The following SGCD variants were observed in gnomAD, a reference collection of about 807,000 sequenced individuals.
SGCD encodes sarcoglycan delta, also known as delta-sarcoglycan.
A neutral mutation model predicts 36.6 loss-of-function variants in SGCD; 18 were observed. That is an observed-to-expected ratio of 0.49 (90% CI 0.34 to 0.73). The LOEUF (loss-of-function observed/expected upper bound fraction) is 0.73. Among genes scored for constraint, SGCD ranks in the 30% least tolerant of loss-of-function variants. The probability of loss-of-function intolerance (pLI) is 0.01; values close to 1 mark genes in which losing one functional copy is unlikely to be tolerated. For missense variants in SGCD, 387 were observed against 346.7 expected, an observed-to-expected ratio of 1.12 and a Z score of -0.92; for synonymous variants, 133 against 130.6, an observed-to-expected ratio of 1.02 and a Z score of -0.12.
At chr5:155,741,120 T>G in the SGCD span, among the ~76,000 whole-genome samples, 3 of 152,216 alleles carry the variant, frequency 2.0e-5, no homozygotes, top group African/African-American at 4.8e-5. Context: ...ATTTCCTGAT[T>G]GGCAATTGGT....
At chr5:156,453,475 A>G (rs1754115937) in intron 3 of SGCD, among the ~76,000 whole-genome samples, 1 of 152,196 alleles carries the variant, frequency 6.6e-6, no homozygotes, top group Non-Finnish European at 1.5e-5. Flanking sequence ...AGCTGCATTC[A>G]CAATAGCCCC....
At chr5:156,447,897 T>C (rs915965183) in intron 3 of SGCD, among the ~76,000 whole-genome samples, 1 of 152,172 alleles carries the variant, frequency 6.6e-6, no homozygotes, top group African/African-American at 2.4e-5. Flanking sequence ...TATTTTATTC[T>C]CATTATTACC....
chr5:155,741,288 A>G, the SGCD span, among the ~76,000 whole-genome samples: 1 of 152,188 alleles, frequency 6.6e-6, no homozygotes, highest in Admixed American at 6.5e-5. Flanking sequence ...ATCAGACCCT[A>G]AAAGGTGCCA....
rs563704553 is a variant in SGCD, at chr5:156,084,064, G to A, written c.-281-33814G>A. The stretch of plus-strand genomic sequence containing the variant: ...TCCTCCATTTTTCTTTGTAAAGATT[G>A]CTTCAAATAGTCAAGAACATATGTC... On this transcript the variant is annotated intron_variant, in intron 1 of 9. Transcript: ENST00000517913. Among the ~76,000 whole-genome samples, 5 of 152,204 alleles carry A rather than the reference G, an allele frequency of 3.3e-5. No homozygotes were observed. The East Asian group carries it at 9.7e-4, about 29-fold the overall frequency.
intron 3 of SGCD, among the ~76,000 whole-genome samples, chr5:156,408,699 G>T (rs1405123173): frequency 6.6e-6 from 1 of 152,086 alleles, no homozygotes; most frequent in Non-Finnish European, 1.5e-5. Context: ...CTTGTCTTCT[G>T]CCATCTTTCT....
the SGCD span, among the ~76,000 whole-genome samples, chr5:155,796,633 G>A: frequency 1.2e-4 from 18 of 151,624 alleles, no homozygotes; most frequent in East Asian, 2.7e-3. Context: ...GAGAAAGCCC[G>A]TCTCTATTAA....
At chr5:156,131,240 T>C (rs1385256372) in intron 3 of SGCD, among the ~76,000 whole-genome samples, 4 of 152,220 alleles carry the variant, frequency 2.6e-5, no homozygotes, top group Admixed American at 2.6e-4. Flanking sequence ...AGAGGCAATG[T>C]CATTTAATAA....
At chr5:156,427,514 C>T (rs371077275) in intron 3 of SGCD, among the ~76,000 whole-genome samples, 43 of 152,016 alleles carry the variant, frequency 2.8e-4, no homozygotes, top group African/African-American at 8.9e-4. Flanking sequence ...TTTTCCAATT[C>T]GGAGGCCCTT....
At chr5:155,939,554 A>G (rs1757281823) in intron 1 of SGCD, among the ~76,000 whole-genome samples, 1 of 151,260 alleles carries the variant, frequency 6.6e-6, no homozygotes, top group Non-Finnish European at 1.5e-5. Flanking sequence ...CTGAGACAGG[A>G]GAATTGCTTG....
intron 4 of SGCD, among the ~76,000 whole-genome samples, chr5:156,532,291 G>A (rs979413586): frequency 7.2e-5 from 11 of 152,056 alleles, no homozygotes; most frequent in African/African-American, 1.7e-4. Flanking sequence ...AATATCTGCT[G>A]TTGCAGAGAT....
chr5:155,779,403 A>T, the SGCD span, among the ~76,000 whole-genome samples: 2 of 151,988 alleles, frequency 1.3e-5, no homozygotes, highest in Admixed American at 1.3e-4. Context: ...CTGCCATTGC[A>T]CTCTAGTCTG....
At chr5:156,656,839 A>C (rs766374381) in intron 7 of SGCD, among the ~76,000 whole-genome samples, 1 of 152,182 alleles carries the variant, frequency 6.6e-6, no homozygotes, top group Non-Finnish European at 1.5e-5. Context: ...GAAAGATTCT[A>C]CGATACATCT....
chr5:156,471,423 G>C (rs1754958984), intron 3 of SGCD, among the ~76,000 whole-genome samples: 1 of 152,108 alleles, frequency 6.6e-6, no homozygotes, highest in South Asian at 2.1e-4. Flanking sequence ...AGATAGGTAT[G>C]ATGTTGGCAA....
chr5:156,107,203 C>T (rs1376972390), intron 1 of SGCD, among the ~76,000 whole-genome samples: 2 of 152,144 alleles, frequency 1.3e-5, no homozygotes, highest in East Asian at 3.9e-4. Context: ...TGACTAATTT[C>T]TAATCCTCAT....
the SGCD span, among the ~76,000 whole-genome samples, chr5:155,742,024 G>A: frequency 6.6e-6 from 1 of 152,100 alleles, no homozygotes; most frequent in South Asian, 2.1e-4. Context: ...GAATGCCCTT[G>A]GCTGAGAAGA....
At chr5:156,632,246 A>T (rs935748486) in intron 6 of SGCD, among the ~76,000 whole-genome samples, 1 of 151,894 alleles carries the variant, frequency 6.6e-6, no homozygotes. Context: ...AAGGAGTCAG[A>T]TATTCTGATT....
intron 3 of SGCD, among the ~76,000 whole-genome samples, chr5:156,240,196 T>A (rs952362002): frequency 1.3e-5 from 2 of 152,172 alleles, no homozygotes; most frequent in African/African-American, 2.4e-5. Context: ...ATTGTCTGTA[T>A]CCAGTCTGCA....
chr5:156,186,387 C>T (rs988544505), intron 3 of SGCD, among the ~76,000 whole-genome samples: 2 of 152,050 alleles, frequency 1.3e-5, no homozygotes, highest in East Asian at 1.9e-4. Flanking sequence ...TTGAAGATAC[C>T]GCCAAATCAT....
chr5:156,236,815 G>A (rs569100752), intron 3 of SGCD, among the ~76,000 whole-genome samples: 2 of 151,594 alleles, frequency 1.3e-5, no homozygotes, highest in South Asian at 4.2e-4. Context: ...GTAACCAGTA[G>A]GGTAATGGAT....
Sources: gnomAD v4.1 joint callset for allele counts (sites outside exome capture counted in the v4.1 genomes callset) on GRCh38, gnomAD v4.1.1 for gene constraint, MANE v1.5 for transcripts, NCBI Gene and HGNC (gene_info 2026-07-23, HGNC 2026-07-21) for gene names.